Variants in MAML2 observed in about 807,000 individuals in gnomAD.
MAML2 encodes the protein mastermind-like protein 2.
MAML2 carries 22 observed loss-of-function variants against 96.1 expected under a neutral mutation model. The observed-to-expected ratio is 0.23, with a 90% confidence interval of 0.16 to 0.33. The LOEUF is 0.33. Among genes scored for constraint, MAML2 ranks in the 10% least tolerant of loss-of-function variants. MAML2 has a pLI of 1.00. For missense variants in MAML2, 1,367 were observed against 1,392.4 expected (o/e 0.98, Z 0.29); for synonymous variants, 561 against 521.3 (o/e 1.08, Z -1.04).
intron 1 of MAML2, among the ~76,000 whole-genome samples, chr11:96,125,162 C>T (rs188807941): frequency 2.6e-5 from 4 of 152,148 alleles, no homozygotes; most frequent in Admixed American, 2.0e-4. Context: ...ACCTGAGAAG[C>T]TCATTATTTA....
Position 96,056,388 on chromosome 11 carries a change from G to GAAAAA in MAML2, c.2139+35499_2139+35503dup, listed in dbSNP as rs34837308. On this transcript the variant is annotated intron_variant, in intron 2 of 4. Transcript: ENST00000524717. ...TTTAGTTTTATGGCTATTTTCTGAGGAAAAAAAAAAAAAAAAAAGCCCAGG... is the reference window on the plus strand; with the variant it reads ...TTTAGTTTTATGGCTATTTTCTGAGGAAAAAAAAAAAAAAAAAAAAAAAGCCCAGG... Among the ~76,000 whole-genome samples the GAAAAA allele has an allele frequency of 3.1e-5, 3 of 97,630 alleles. 1 individual carries two copies. The highest frequency in any genetic ancestry group is 6.2e-5 in the Non-Finnish European group (3 of 48,730). The allele number at this position is 97,630 out of a possible 152,430, so 64.0% of individuals were successfully genotyped here.
chr11:96,104,466 C>CT (rs1383417755), intron 1 of MAML2, among the ~76,000 whole-genome samples: 2 of 152,142 alleles, frequency 1.3e-5, no homozygotes, highest in Admixed American at 6.5e-5. Context: ...TTGAATACAT[C>CT]TGCCCTTGCT....
At chr11:96,159,407 CTTTTTTTTT>C (rs760811590) in intron 1 of MAML2, among the ~76,000 whole-genome samples, 1 of 91,122 alleles carries the variant, frequency 1.1e-5, no homozygotes, top group East Asian at 4.4e-4. Flanking sequence ...ACCACTGATT[CTTTTTTTTT>C]TTTTTTTTTT....
At chr11:96,252,174 T>TACACACACAC (rs1491545323) in intron 1 of MAML2, among the ~76,000 whole-genome samples, 1 of 150,112 alleles carries the variant, frequency 6.7e-6, no homozygotes, top group African/African-American at 2.5e-5. Context: ...TCTCTCTCTC[T>TACACACACAC]ACACACACAC....
intron 2 of MAML2, among the ~76,000 whole-genome samples, chr11:96,017,733 C>T (rs527991966): frequency 5.9e-5 from 9 of 152,018 alleles, no homozygotes; most frequent in Admixed American, 5.2e-4. Flanking sequence ...ATTTCAAGTC[C>T]TGAGTTCTTG....
intron 1 of MAML2, among the ~76,000 whole-genome samples, chr11:96,164,833 C>T (rs568601489): frequency 1.3e-5 from 2 of 152,306 alleles, no homozygotes; most frequent in East Asian, 3.9e-4. Context: ...GCTTCAAGGG[C>T]AATGAGCCTC....
chr11:96,272,251 G>A (rs865808374), intron 1 of MAML2, among the ~76,000 whole-genome samples: 8 of 152,150 alleles, frequency 5.3e-5, no homozygotes, highest in Non-Finnish European at 8.8e-5. Context: ...TGCTCAACAT[G>A]TGCCTACTAC....
At chr11:95,980,948 C>A (rs533074114) in intron 4 of MAML2, among the ~76,000 whole-genome samples, 30 of 152,280 alleles carry the variant, frequency 2.0e-4, no homozygotes, top group Admixed American at 1.6e-3. Context: ...AAGACCGCTT[C>A]CGACTGACTC....
At chr11:96,222,567 C>T (rs770506088) in intron 1 of MAML2, among the ~76,000 whole-genome samples, 3 of 152,172 alleles carry the variant, frequency 2.0e-5, no homozygotes, top group Admixed American at 6.5e-5. Flanking sequence ...CCTCTCAGCA[C>T]GAATGCAAGG....
Position 96,092,431 on chromosome 11 carries a change from G to A in MAML2, c.1600C>T (p.Pro534Ser), listed in dbSNP as rs752291920. Residue 534 changes from proline to serine, a missense_variant, in exon 2 of 5, where the codon CCT becomes TCT. By Grantham distance (74) the Pro-to-Ser change is moderately conservative. Coordinates refer to ENST00000524717, the MANE Select transcript of MAML2 (RefSeq NM_032427.4). This position sits in a 1 kb window ranked among gnomAD's most constrained non-coding sequence, Gnocchi z 4.1. ...GHLDVLMQQK[P>S]QDLSRSFINN... ...ATAAAACTTCGACTGAGATCCTGAG[G>A]CTTTTGCTGCATGAGGACATCTAGG... The A allele has an allele frequency of 1.2e-6, 2 of 1,613,852 alleles. No homozygotes were observed. The highest frequency in any genetic ancestry group is 1.1e-5 in the South Asian group (1 of 91,058).
intron 1 of MAML2, among the ~76,000 whole-genome samples, chr11:96,205,192 G>T (rs2135933977): frequency 6.6e-6 from 1 of 152,278 alleles, no homozygotes; most frequent in South Asian, 2.1e-4. Context: ...TTACTGTAGT[G>T]ACCTAATTGT....
intron 1 of MAML2, among the ~76,000 whole-genome samples, chr11:96,260,646 A>C (rs192572280): frequency 6.6e-6 from 1 of 152,112 alleles, no homozygotes; most frequent in African/African-American, 2.4e-5. Flanking sequence ...AGACAAACTG[A>C]CCCTGAGCAG....
intron 2 of MAML2, among the ~76,000 whole-genome samples, chr11:96,089,228 A>G (rs1474496673): frequency 1.3e-5 from 2 of 152,194 alleles, no homozygotes; most frequent in African/African-American, 2.4e-5. Flanking sequence ...TAGATGGAAG[A>G]GTTAAAACTA....
Position 96,262,923 on chromosome 11 carries a change from T to C in MAML2, c.513+78460A>G, listed in dbSNP as rs12281074. Among the ~76,000 whole-genome samples, 873 of 152,358 alleles carry C rather than the reference T, an allele frequency of 5.7e-3. 8 individuals carry two copies. Among genetic ancestry groups the C allele is most frequent in the African/African-American group, 0.02 (841 of 41,584 alleles). ...TCCATTAATAAAATCAAAGGAGTCA[T>C]GTTTACTTTGCACCCATGTTTTTCT... On this transcript the variant is annotated intron_variant, in intron 1 of 4. Coordinates refer to ENST00000524717, the MANE Select transcript of MAML2 (RefSeq NM_032427.4).
In MAML2 at chr11:96,113,092, AG is replaced by A. The variant is rs1417494020; in HGVS notation, c.514-19576del. On this transcript the variant is annotated intron_variant, in intron 1 of 4. Transcript: ENST00000524717. ...TTTGCATTTTGCAGGGCAAAAAAAA[AG>A]GATAGTTTTTCTAGAAAATAGATGG... Among the ~76,000 whole-genome samples the A allele has an allele frequency of 6.8e-5, 10 of 147,984 alleles. No individual in the cohort carries two copies. The East Asian group carries it at 2.0e-3, about 30-fold the overall frequency.
intron 1 of MAML2, among the ~76,000 whole-genome samples, chr11:96,203,586 A>G (rs1376545633): frequency 2.6e-5 from 4 of 152,252 alleles, no homozygotes; most frequent in African/African-American, 9.6e-5. Flanking sequence ...AAAACATAGT[A>G]TCCTTTCTCT....
chr11:96,082,203 T>C (rs1859538318), intron 2 of MAML2, among the ~76,000 whole-genome samples: 1 of 152,088 alleles, frequency 6.6e-6, no homozygotes, highest in Admixed American at 6.5e-5. Flanking sequence ...AAGCAATGAA[T>C]GTAATGAGAG....
intron 1 of MAML2, among the ~76,000 whole-genome samples, chr11:96,267,045 C>T (rs6483490): frequency 0.17 from 25,425 of 151,936 alleles, 2,559 homozygotes; most frequent in African/African-American, 0.26. Flanking sequence ...AACAGTATGT[C>T]CCTAATGTAT....
chr11:96,071,657 T>C (rs1053061296), intron 2 of MAML2, among the ~76,000 whole-genome samples: 2 of 152,260 alleles, frequency 1.3e-5, no homozygotes, highest in African/African-American at 4.8e-5. Context: ...GGTCTTGATG[T>C]TCTGTAACCT....
Sources: gnomAD v4.1 joint callset for allele counts (sites outside exome capture counted in the v4.1 genomes callset) on GRCh38, gnomAD v4.1.1 for gene constraint, Gnocchi (gnomAD v3.1) non-coding constraint, MANE v1.5 for transcripts, NCBI Gene and HGNC (gene_info 2026-07-23, HGNC 2026-07-21) for gene names.